Variants in FECH observed in about 807,000 individuals in gnomAD.
The protein encoded by FECH is ferrochelatase, mitochondrial.
FECH carries 40 observed loss-of-function variants against 56.9 expected under a neutral mutation model. The ratio of observed to expected loss-of-function variants is 0.70; its 90% CI spans 0.55 to 0.92. FECH has a LOEUF of 0.92. Ranked by LOEUF, FECH falls within the 40% of genes least tolerant of loss-of-function variation. The probability of loss-of-function intolerance (pLI) is 0.00; values close to 1 mark genes in which losing one functional copy is unlikely to be tolerated. For synonymous variants in FECH, 175 were observed against 198.6 expected (o/e 0.88, Z 1.00); for missense variants, 431 against 529.1 (o/e 0.81, Z 1.82).
rs760290833 is a variant in FECH, at chr18:57,550,743, G to A, written c.1241C>T (p.Thr414Ile). 9.3e-6 allele frequency: 15 copies of A among 1,614,040 alleles called. No individual in the cohort carries two copies. Among genetic ancestry groups the A allele is most frequent in the Middle Eastern group, 1.6e-4 (1 of 6,082 alleles). ...PLCVNPVCRE[T>I]KSFFTSQQL The stretch of plus-strand genomic sequence containing the variant: ...CTGCTGGCTGGTGAAGAAGGATTTA[G>A]TCTCCCTGCAGACAGGATTGACACA... The change falls in exon 11 of 11, where the codon ACT becomes ATT. Residue 414 changes from threonine (T) to isoleucine (I), a missense_variant. Coordinates refer to ENST00000262093, the MANE Select transcript of FECH (RefSeq NM_000140.5).
chr18:57,569,736 G>A (rs973649955), intron 4 of FECH, among the ~76,000 whole-genome samples: 3 of 151,890 alleles, frequency 2.0e-5, no homozygotes, highest in Non-Finnish European at 4.4e-5. Flanking sequence ...TTATAATGAT[G>A]GGTACTACAG....
intron 4 of FECH, among the ~76,000 whole-genome samples, chr18:57,567,296 G>A (rs1407042183): frequency 6.6e-6 from 1 of 152,234 alleles, no homozygotes; most frequent in Non-Finnish European, 1.5e-5. Flanking sequence ...GGGATTGAAA[G>A]CCATTGTTCT....
At position 57,580,221 on chromosome 18, in the gene FECH, C is replaced by T. The variant is rs768210831; in HGVS notation, c.68-22G>A. Reference sequence around the variant, plus strand: ...GCCACTGTGACAAAATTAAAGTGCTCGCATGAAATCTAGCTAGAAAGTAAT... The same window carrying T: ...GCCACTGTGACAAAATTAAAGTGCTTGCATGAAATCTAGCTAGAAAGTAAT... On this transcript the variant is annotated intron_variant, in intron 1 of 10. Coordinates refer to ENST00000262093, the MANE Select transcript of FECH (RefSeq NM_000140.5). The T allele has an allele frequency of 1.4e-5, 23 of 1,613,850 alleles. No homozygotes were observed. In the South Asian group the frequency reaches 1.6e-4, roughly 12 times the overall value.
chr18:57,561,732 C>T (rs987633984), intron 6 of FECH, among the ~76,000 whole-genome samples: 13 of 152,164 alleles, frequency 8.5e-5, no homozygotes, highest in Non-Finnish European at 1.6e-4. Context: ...CTGTGCAGAT[C>T]CCTCCATTCC....
At position 57,571,408 on chromosome 18, in the gene FECH, T is replaced by C. The variant is rs1292125717; in HGVS notation, c.447A>G (p.Glu149=). 1 of 1,614,074 alleles carries C rather than the reference T, an allele frequency of 6.2e-7. No individual in the cohort carries two copies. The highest frequency in any genetic ancestry group is 1.3e-5 in the African/African-American group (1 of 75,016). The change falls in exon 4 of 11, where the codon GAA becomes GAG. Residue 149 remains glutamate, a synonymous_variant. Transcript: ENST00000262093. ...ACACCATACCTGTGTTGGGGGACAA[T>C]TCATCCAGCAGCTTCACCATGCCCT... ...QGEGMVKLLD[E]LSPNTAPHKY... is the part of the protein sequence containing the mutation.
chr18:57,547,969 GGC>G lies in FECH; in HGVS notation c.*2741_*2742del, dbSNP rs2050741301. 6.6e-6 allele frequency among the ~76,000 whole-genome samples: 1 copy of G among 152,064 alleles called. No individual in the cohort carries two copies. The highest frequency in any genetic ancestry group is 1.5e-5 in the Non-Finnish European group (1 of 68,002). The stretch of plus-strand genomic sequence containing the variant: ...AAAGGGCTTTTAATAATGAGTTCAG[GGC>G]CAGGTGCAGAGGCTCATCCTTGTAA... On this transcript the variant is annotated 3_prime_UTR_variant, in exon 11 of 11. Coordinates refer to ENST00000262093, the MANE Select transcript of FECH (RefSeq NM_000140.5).
intron 6 of FECH, among the ~76,000 whole-genome samples, chr18:57,562,605 A>T (rs2050958612): frequency 6.6e-6 from 1 of 152,230 alleles, no homozygotes; most frequent in Non-Finnish European, 1.5e-5. Context: ...TTCTGGTCAT[A>T]GGAAACACAA....
At position 57,572,863 on chromosome 18, in the gene FECH, G is replaced by T. The variant is rs2051134415; in HGVS notation, c.314+383C>A. 3 of 179,228 alleles carry T rather than the reference G, an allele frequency of 1.7e-5. No individual in the cohort carries two copies. The South Asian group carries it at 3.7e-4, about 22-fold the overall frequency. 11.1% of individuals were successfully genotyped at this position (179,228 alleles called of 1,614,324 possible). A position where few individuals can be genotyped will look rare whatever the true frequency, so the allele number is the denominator to read the frequency against. On this transcript the variant is annotated intron_variant, in intron 3 of 10. Transcript: ENST00000262093. ...GGAAGAAGGGAAAGAAGGATGAAAG[G>T]AAAAGAAGGGCAGCAACAATCCATA...
rs550820935 is a variant in FECH at position 57,580,081 on chromosome 18, C to A, written c.186G>T (p.Pro62=). 12 of 1,613,928 alleles carry A rather than the reference C, an allele frequency of 7.4e-6. No homozygotes were observed. Among genetic ancestry groups the A allele is most frequent in the Admixed American group, 3.3e-5 (2 of 59,998 alleles). The change falls in exon 2 of 11, where the codon CCG becomes CCT. Residue 62 remains proline, a synonymous_variant. Transcript: ENST00000262093. The part of the protein sequence containing the change: ...HAQGAKPQVQ[P]QKRKPKTGIL... ...TGATGTTAGACTCATACCTCTTCTG[C>A]GGTTGAACTTGAGGTTTTGCACCCT...
intron 1 of FECH, among the ~76,000 whole-genome samples, chr18:57,584,990 G>A (rs1027087936): frequency 4.7e-5 from 7 of 149,738 alleles, no homozygotes; most frequent in Non-Finnish European, 8.9e-5. Flanking sequence ...CAGCCTGAGC[G>A]ACAGAGCAAC....
At chr18:57,574,212 T>C (rs1042698099) in intron 2 of FECH, among the ~76,000 whole-genome samples, 1 of 151,878 alleles carries the variant, frequency 6.6e-6, no homozygotes, top group Admixed American at 6.6e-5. Flanking sequence ...CAGGCTGGTC[T>C]CAAAATCCTG....
chr18:57,575,535 C>T (rs889897448), intron 2 of FECH, among the ~76,000 whole-genome samples: 2 of 152,140 alleles, frequency 1.3e-5, no homozygotes, highest in African/African-American at 4.8e-5. Flanking sequence ...CTCGACCTCC[C>T]GGGCTCAAGT....
chr18:57,579,847 T>C (rs910000338), intron 2 of FECH, among the ~76,000 whole-genome samples: 2 of 152,212 alleles, frequency 1.3e-5, no homozygotes, highest in African/African-American at 4.8e-5. Flanking sequence ...TGCAGACTGT[T>C]TGTACTCAAC....
chr18:57,576,814 C>T (rs914143133), intron 2 of FECH, among the ~76,000 whole-genome samples: 2 of 152,132 alleles, frequency 1.3e-5, no homozygotes, highest in African/African-American at 4.8e-5. Flanking sequence ...AGTCTGACAC[C>T]CCTCTATTCC....
intron 8 of FECH, among the ~76,000 whole-genome samples, 178 bp downstream of exon 8, chr18:57,554,667 G>A (rs2050845025): frequency 6.6e-6 from 1 of 152,190 alleles, no homozygotes; most frequent in Admixed American, 6.5e-5. Flanking sequence ...GGAGCTCCAC[G>A]AGTCACTTGA....
rs542132438 is a variant in FECH at position 57,575,451 on chromosome 18, G to GT, written c.195-2087dup. The stretch of plus-strand genomic sequence containing the variant: ...CTATGATGACATCTTTTTTGTTTTT[G>GT]TTTTTTTTTGAGACAGGGTCTCACT... On this transcript the variant is annotated intron_variant, in intron 2 of 10. Transcript: ENST00000262093. Among the ~76,000 whole-genome samples the GT allele has an allele frequency of 5.7e-3, 861 of 150,568 alleles. 11 individuals carry two copies. The highest frequency in any genetic ancestry group is 0.026 in the South Asian group (122 of 4,740).
At chr18:57,570,649 T>A (rs750968536) in intron 4 of FECH, among the ~76,000 whole-genome samples, 8 of 152,258 alleles carry the variant, frequency 5.3e-5, no homozygotes, top group Non-Finnish European at 1.2e-4. Flanking sequence ...GGTTTTAACA[T>A]TTCTCATATC....
rs1410478508 is a variant in FECH, at chr18:57,580,087, A to G, written c.180T>C (p.Val60=). ...TAGACTCATACCTCTTCTGCGGTTG[A>G]ACTTGAGGTTTTGCACCCTGGGCAT... The part of the protein sequence containing the change: ...AQHAQGAKPQ[V]QPQKRKPKTG... The change falls in exon 2 of 11, where the codon GTT becomes GTC. Residue 60 remains valine (V), a synonymous_variant. Coordinates refer to ENST00000262093, the MANE Select transcript of FECH (RefSeq NM_000140.5). The G allele has an allele frequency of 6.2e-7, 1 of 1,614,046 alleles. No homozygotes were observed. Among genetic ancestry groups the G allele is most frequent in the Admixed American group, 1.7e-5 (1 of 60,014 alleles).
At chr18:57,566,419 C>G (rs2051016810) in intron 5 of FECH, 28 bp downstream of exon 5, 1 of 1,614,046 alleles carries the variant, frequency 6.2e-7, no homozygotes, top group Non-Finnish European at 8.5e-7. Context: ...CCGTATCTAC[C>G]TTTCCACTGT....
Sources: gnomAD v4.1 joint callset for allele counts (sites outside exome capture counted in the v4.1 genomes callset) on GRCh38, gnomAD v4.1.1 for gene constraint, MANE v1.5 for transcripts, NCBI Gene and HGNC (gene_info 2026-07-23, HGNC 2026-07-21) for gene names.